The following HEPHL1 variants were observed in gnomAD, a reference collection of about 807,000 sequenced individuals.
The protein encoded by HEPHL1 is hephaestin like 1.
A neutral mutation model predicts 122.0 loss-of-function variants in HEPHL1; 123 were observed. That is an observed-to-expected ratio of 1.01 (90% CI 0.87 to 1.17). The LOEUF is 1.17. Among genes scored for constraint, HEPHL1 ranks in the 50% most tolerant of loss-of-function variants. The pLI, the probability that HEPHL1 is intolerant of heterozygous loss-of-function variation, is 0.00. For missense variants in HEPHL1, 1,452 were observed against 1,430.5 expected, an observed-to-expected ratio of 1.01 and a Z score of -0.24; for synonymous variants, 527 against 508.9, an observed-to-expected ratio of 1.04 and a Z score of -0.48.
intron 13 of HEPHL1, among the ~76,000 whole-genome samples, chr11:94,096,337 A>C (rs1024063541): frequency 6.6e-5 from 10 of 152,178 alleles, no homozygotes; most frequent in African/African-American, 1.9e-4. Flanking sequence ...GATTTGCATT[A>C]TGTTGAACCA....
At position 94,111,796 on chromosome 11, in the gene HEPHL1, A is replaced by G; in HGVS notation, c.3382A>G (p.Ile1128Val). 6.3e-7 allele frequency: 1 copy of G among 1,581,162 alleles called. No individual in the cohort carries two copies. Among genetic ancestry groups the G allele is most frequent in the Non-Finnish European group, 8.6e-7 (1 of 1,165,720 alleles). Reference sequence around the variant, plus strand: ...TTTCATCATTGGACTCCTCCTTCTAATCACCACGGTGATTCTCTCCCTCAG... The same window carrying G: ...TTTCATCATTGGACTCCTCCTTCTAGTCACCACGGTGATTCTCTCCCTCAG... Reference protein sequence around the residue: ...ILFIIGLLLLITTVILSLRLC... With the variant: ...ILFIIGLLLLVTTVILSLRLC... Residue 1128 changes from isoleucine (I) to valine (V), a missense_variant, in exon 20 of 20, where the codon ATC becomes GTC. Physicochemically the swap from Ile to Val is conservative, Grantham distance 29. Transcript: ENST00000315765.
chr11:94,079,082 T>C (rs983789296), intron 9 of HEPHL1, among the ~76,000 whole-genome samples: 1 of 152,220 alleles, frequency 6.6e-6, no homozygotes. Context: ...TCTTCTACTA[T>C]GGATGATTGC....
intron 12 of HEPHL1, among the ~76,000 whole-genome samples, chr11:94,089,921 C>T (rs1946251683): frequency 6.6e-6 from 1 of 152,124 alleles, no homozygotes; most frequent in Non-Finnish European, 1.5e-5. Flanking sequence ...TTTATTGCCA[C>T]CTACCCTCGC....
chr11:94,059,269 A>G (rs1176945708), intron 2 of HEPHL1, among the ~76,000 whole-genome samples: 1 of 152,216 alleles, frequency 6.6e-6, no homozygotes, highest in Non-Finnish European at 1.5e-5. Flanking sequence ...ATATCCCACC[A>G]TATGAACATA....
At chr11:94,097,532 T>C (rs1946328173) in intron 13 of HEPHL1, among the ~76,000 whole-genome samples, 1 of 152,204 alleles carries the variant, frequency 6.6e-6, no homozygotes, top group Non-Finnish European at 1.5e-5. Flanking sequence ...GTCTATCAGC[T>C]CTGCTTGGTG....
intron 4 of HEPHL1, among the ~76,000 whole-genome samples, chr11:94,066,831 C>G (rs879581222): frequency 6.6e-6 from 1 of 152,078 alleles, no homozygotes; most frequent in Non-Finnish European, 1.5e-5. Flanking sequence ...TGGTCAACTC[C>G]CAGCTGCCAT....
At chr11:94,111,115 G>A in intron 18 of HEPHL1, 50 bp downstream of exon 18, 1 of 1,493,176 alleles carries the variant, frequency 6.7e-7, no homozygotes, top group South Asian at 1.3e-5. Context: ...GCTTCCTGTA[G>A]ACCCCCAAAA....
At chr11:94,081,854 A>T (rs1365110888) in intron 9 of HEPHL1, among the ~76,000 whole-genome samples, 4 of 152,224 alleles carry the variant, frequency 2.6e-5, no homozygotes, top group African/African-American at 9.6e-5. Context: ...GGGTAAAGTG[A>T]GTGAGTTTCT....
rs1565360229 is a variant in HEPHL1 at position 94,093,487 on chromosome 11, C to T, written c.2295-14C>T. 1 of 1,612,826 alleles carries T rather than the reference C, an allele frequency of 6.2e-7. No individual in the cohort carries two copies. The highest frequency in any genetic ancestry group is 8.5e-7 in the Non-Finnish European group (1 of 1,179,420). ...TTTCTGACAACTTTAATTTCTGATG[C>T]TTCTGATTTGCAGACATGGAGATAT... is the stretch of plus-strand genomic sequence containing the variant. On this transcript the variant is annotated splice_polypyrimidine_tract_variant and intron_variant, in intron 12 of 19. Coordinates refer to ENST00000315765, the MANE Select transcript of HEPHL1 (RefSeq NM_001098672.2).
chr11:94,035,726 A>T (rs531385601), intron 1 of HEPHL1, among the ~76,000 whole-genome samples: 2 of 152,160 alleles, frequency 1.3e-5, no homozygotes, highest in Admixed American at 6.5e-5. Context: ...AGTGGTCATG[A>T]AAGTCTCTTT....
At chr11:94,054,471 C>A (rs376646450) in intron 2 of HEPHL1, among the ~76,000 whole-genome samples, 1 of 152,238 alleles carries the variant, frequency 6.6e-6, no homozygotes, top group South Asian at 2.1e-4. Context: ...CTTGTTTCCA[C>A]TGGTCACACA....
intron 12 of HEPHL1, among the ~76,000 whole-genome samples, 165 bp from the exon 13 acceptor site, chr11:94,093,336 G>C (rs937076351): frequency 5.5e-4 from 83 of 152,040 alleles, no homozygotes; most frequent in African/African-American, 1.9e-3. Flanking sequence ...CAGATGCCTG[G>C]CCTCACTCCC....
At chr11:94,054,109 G>C (rs1482897945) in intron 2 of HEPHL1, among the ~76,000 whole-genome samples, 2 of 152,170 alleles carry the variant, frequency 1.3e-5, no homozygotes, top group Non-Finnish European at 2.9e-5. Flanking sequence ...GGGAAGGTCT[G>C]AGTGTCATTT....
Position 94,073,082 on chromosome 11 carries a change from G to T in HEPHL1, c.1290G>T (p.Lys430Asn). ...GDNRIGGKYW[K>N]VRYTEFVDAT... ...ACAGAATAGGAGGAAAATACTGGAA[G>T]GTTCGGTATACTGAATTTGTTGATG... Residue 430 changes from lysine (K) to asparagine (N), a missense_variant, in exon 7 of 20, where the codon AAG (lysine) becomes AAT (asparagine). Coordinates refer to ENST00000315765, the MANE Select transcript of HEPHL1 (RefSeq NM_001098672.2). 1 of 1,612,794 alleles carries T rather than the reference G, an allele frequency of 6.2e-7. No individual in the cohort carries two copies. The highest frequency in any genetic ancestry group is 1.3e-5 in the African/African-American group (1 of 74,984).
chr11:94,067,406 C>T, intron 4 of HEPHL1, 90 bp from the exon 5 acceptor site: 2 of 1,310,276 alleles, frequency 1.5e-6, no homozygotes, highest in Non-Finnish European at 2.2e-6. Context: ...CACTGGTTTT[C>T]CAGCCATGCT....
In HEPHL1 at chr11:94,111,862, C is replaced by T. The variant is rs1456056167; in HGVS notation, c.3448C>T (p.Gln1150Ter). ...AMKQTDYQQV[Q>*]SCALPTDAL ...GAAGCAGACAGATTACCAGCAAGTC[C>T]AGTCCTGTGCTCTCCCCACGGATGC... Residue 1150 changes from glutamine (Q) to a stop codon, truncating the protein, a stop_gained, in exon 20 of 20, where the codon CAG becomes TAG. Transcript: ENST00000315765. LOFTEE classifies it high-confidence loss of function. The T allele has an allele frequency of 6.6e-7, 1 of 1,526,218 alleles. No homozygotes were observed. Among genetic ancestry groups the T allele is most frequent in the Admixed American group, 2.2e-5 (1 of 45,936 alleles). 94.5% of individuals were successfully genotyped at this position (1,526,218 alleles called of 1,614,324 possible). A position where few individuals can be genotyped will look rare whatever the true frequency, so the allele number is the denominator to read the frequency against.
At chr11:94,028,019 A>G (rs1945641254) in intron 1 of HEPHL1, among the ~76,000 whole-genome samples, 1 of 151,864 alleles carries the variant, frequency 6.6e-6, no homozygotes, top group Non-Finnish European at 1.5e-5. Context: ...CTCAAACAAT[A>G]TTTCTTGTCC....
intron 17 of HEPHL1, 124 bp from the exon 18 acceptor site, chr11:94,110,779 C>T: frequency 2.6e-5 from 17 of 658,294 alleles, no homozygotes; most frequent in South Asian, 1.1e-4. Flanking sequence ...TTCTTGATTC[C>T]TGCTCTTTCT....
chr11:94,034,536 G>A (rs540263151), intron 1 of HEPHL1, among the ~76,000 whole-genome samples: 1 of 152,108 alleles, frequency 6.6e-6, no homozygotes, highest in Non-Finnish European at 1.5e-5. Context: ...AGCTAACAAA[G>A]ATTCATTATT....
Sources: gnomAD v4.1 joint callset for allele counts (sites outside exome capture counted in the v4.1 genomes callset) on GRCh38, gnomAD v4.1.1 for gene constraint, MANE v1.5 for transcripts, NCBI Gene and HGNC (gene_info 2026-07-23, HGNC 2026-07-21) for gene names.